Variants in EFS observed in about 807,000 individuals in gnomAD.
EFS encodes the protein embryonal Fyn-associated substrate, also known as Cas scaffolding protein family member 3.
In EFS, 34 loss-of-function variants were observed where a neutral mutation model predicts 42.2. The ratio of observed to expected loss-of-function variants is 0.81; its 90% CI spans 0.61 to 1.07. EFS has a LOEUF of 1.07. EFS is among the 50% of genes least tolerant of loss of function. The pLI is 0.00. For synonymous variants in EFS, 299 were observed against 320.7 expected (o/e 0.93, Z 0.72); for missense variants, 717 against 729.4 (o/e 0.98, Z 0.20).
At chr14:23,363,789 G>A (rs1336011335) in intron 1 of EFS, among the ~76,000 whole-genome samples, 1 of 152,066 alleles carries the variant, frequency 6.6e-6, no homozygotes, top group Non-Finnish European at 1.5e-5. Context: ...AATACAAAAA[G>A]CTGATGTGGT....
chr14:23,364,097 C>G (rs1890241739), intron 1 of EFS, among the ~76,000 whole-genome samples: 1 of 152,146 alleles, frequency 6.6e-6, no homozygotes, highest in African/African-American at 2.4e-5. Context: ...CCTCGCTTCC[C>G]TGGGAATCTT....
At position 23,359,963 on chromosome 14, in the gene EFS, G is replaced by A; in HGVS notation, c.515C>T (p.Pro172Leu). 1 of 1,576,844 alleles carries A rather than the reference G, an allele frequency of 6.3e-7. No individual in the cohort carries two copies. Among genetic ancestry groups the A allele is most frequent in the Non-Finnish European group, 8.6e-7 (1 of 1,162,558 alleles). The change falls in exon 4 of 6, where the codon CCT becomes CTT. Residue 172 changes from proline to leucine, a missense_variant. Physicochemically the swap from Pro to Leu is moderately conservative, Grantham distance 98 (BLOSUM62 -3). Coordinates refer to ENST00000216733, the MANE Select transcript of EFS (RefSeq NM_005864.4). ...PYDCPASFSH[P>L]LTRVAPQPPG... ...GGGCTGCGGGGCAACCCGGGTCAGA[G>A]GGTGGGAAAAGGAGGCAGGGCAGTC...
intron 3 of EFS, 49 bp from the exon 4 acceptor site, chr14:23,360,088 C>A (rs1890089240): frequency 1.2e-6 from 2 of 1,614,114 alleles, no homozygotes. Flanking sequence ...ATGAACCCTC[C>A]CTTGGGGCCA....
At position 23,360,793 on chromosome 14, in the gene EFS, G is replaced by C. The variant is rs201669687; in HGVS notation, c.59C>G (p.Ser20Cys). 1.9e-6 allele frequency: 3 copies of C among 1,613,628 alleles called. No individual in the cohort carries two copies. Among genetic ancestry groups the C allele is most frequent in the Non-Finnish European group, 1.7e-6 (2 of 1,179,854 alleles). The part of the protein sequence containing the change: ...ARALYDNTAE[S>C]PQELSFRRGD... ...TCGGCGGAAGGACAGCTCCTGGGGG[G>C]ACTCAGCGGTGTTGTCATACAGTGC... The change falls in exon 2 of 6, where the codon TCC becomes TGC. Residue 20 changes from serine (S) to cysteine (C), a missense_variant. By Grantham distance (112) the Ser-to-Cys change is moderately radical. Coordinates refer to ENST00000216733, the MANE Select transcript of EFS (RefSeq NM_005864.4).
intron 5 of EFS, among the ~76,000 whole-genome samples, chr14:23,358,125 C>T (rs752052398): frequency 5.9e-5 from 9 of 152,126 alleles, no homozygotes; most frequent in Non-Finnish European, 1.3e-4. Context: ...AAAATCCAGG[C>T]TGCATTTTAT....
chr14:23,357,164 A>T lies in EFS; in HGVS notation c.*62T>A. The T allele has an allele frequency of 1.4e-6, 2 of 1,438,530 alleles. No homozygotes were observed. The highest frequency in any genetic ancestry group is 4.8e-5 in the East Asian group (2 of 42,026). 89.1% of individuals were successfully genotyped at this position (1,438,530 alleles called of 1,614,324 possible). On this transcript the variant is annotated 3_prime_UTR_variant, in exon 6 of 6. Coordinates refer to ENST00000216733, the MANE Select transcript of EFS (RefSeq NM_005864.4). ...AGTCCCTTAACAAAGCCTTCCAGCC[A>T]CCCAAGGCCTAAAGGGGGGCTTTGG... is the stretch of plus-strand genomic sequence containing the variant.
chr14:23,359,031 T>C (rs1011942838), intron 4 of EFS, 66 bp from the exon 5 acceptor site: 7 of 1,415,744 alleles, frequency 4.9e-6, no homozygotes, highest in Non-Finnish European at 5.8e-6. Flanking sequence ...TCTGTGGCCT[T>C]TCTGCCCCTT....
chr14:23,357,143 C>A lies in EFS; in HGVS notation c.*83G>T. The A allele has an allele frequency of 7.4e-7, 1 of 1,347,792 alleles. No homozygotes were observed. The highest frequency in any genetic ancestry group is 1.0e-6 in the Non-Finnish European group (1 of 1,002,360). 83.5% of individuals were successfully genotyped at this position (1,347,792 alleles called of 1,614,324 possible). On this transcript the variant is annotated 3_prime_UTR_variant, in exon 6 of 6. Coordinates refer to ENST00000216733, the MANE Select transcript of EFS (RefSeq NM_005864.4). ...AAAGATACCCCCATTTCTCCTAGTC[C>A]CTTAACAAAGCCTTCCAGCCACCCA... is the stretch of plus-strand genomic sequence containing the variant.
At chr14:23,364,882 C>T in intron 1 of EFS, 126 bp downstream of exon 1, 1 of 865,632 alleles carries the variant, frequency 1.2e-6, no homozygotes. Context: ...AGGAGGGGGA[C>T]ACAGCCTCCT....
Position 23,360,653 on chromosome 14 carries a change from G to A in EFS, c.199C>T (p.Pro67Ser), listed in dbSNP as rs74413096. 1,516 of 1,613,058 alleles carry A rather than the reference G, an allele frequency of 9.4e-4. 12 individuals are homozygous for A. In the African/African-American group the frequency reaches 0.017, roughly 19 times the overall value. ...CTGGGCTTGGGTGCTGGGCCAGCAG[G>A]CAAGAGCTTCACCCTGTTGGCGGGC... is the stretch of plus-strand genomic sequence containing the variant. ...IVPANRVKLL[P>S]AGPAPKPSLS... The change falls in exon 2 of 6, where the codon CCT (proline) becomes TCT (serine). Residue 67 changes from proline (P) to serine (S), a missense_variant. Pro to Ser is a moderately conservative substitution (Grantham distance 74). Coordinates refer to ENST00000216733, the MANE Select transcript of EFS (RefSeq NM_005864.4).
Position 23,360,196 on chromosome 14 carries a change from T to C in EFS, c.383A>G (p.Tyr128Cys). 6.2e-7 allele frequency: 1 copy of C among 1,613,928 alleles called. No individual in the cohort carries two copies. Among genetic ancestry groups the C allele is most frequent in the Non-Finnish European group, 8.5e-7 (1 of 1,179,938 alleles). The change falls in exon 3 of 6, where the codon TAC becomes TGC. Residue 128 changes from tyrosine (Y) to cysteine (C), a missense_variant. Transcript: ENST00000216733. ...GPCPPSPDLI[Y>C]KIPRASGTQL... ...GGTCCCACTAGCTCTGGGGATTTTG[T>C]AGATGAGGTCAGGAGAGGGTGGGCA...
chr14:23,359,596 G>A lies in EFS; in HGVS notation c.882C>T (p.Pro294=). 6.7e-7 allele frequency: 1 copy of A among 1,496,580 alleles called. No homozygotes were observed. Among genetic ancestry groups the A allele is most frequent in the East Asian group, 2.4e-5 (1 of 41,776 alleles). 92.7% of individuals were successfully genotyped at this position (1,496,580 alleles called of 1,614,324 possible). A position where few individuals can be genotyped will look rare whatever the true frequency, so the allele number is the denominator to read the frequency against. ...LARSPPPPHR[P]RLPSAESLSR... is the part of the protein sequence containing the mutation. ...ACAGGCTCTCAGCTGAGGGGAGCCG[G>A]GGCCTGTGTGGGGGTGGGGGGCTTC... Residue 294 remains proline, a synonymous_variant, in exon 4 of 6, where the codon CCC becomes CCT. Coordinates refer to ENST00000216733, the MANE Select transcript of EFS (RefSeq NM_005864.4).
intron 1 of EFS, among the ~76,000 whole-genome samples, chr14:23,362,384 G>T (rs1257331236): frequency 6.6e-6 from 1 of 152,200 alleles, no homozygotes; most frequent in South Asian, 2.1e-4. Context: ...AGACCCTGGG[G>T]AGAAGGATGC....
chr14:23,364,649 T>A (rs1890260555), intron 1 of EFS, among the ~76,000 whole-genome samples: 1 of 152,070 alleles, frequency 6.6e-6, no homozygotes, highest in East Asian at 1.9e-4. Context: ...CCAAACCTTT[T>A]ACTTGCCTCC....
chr14:23,364,893 G>T, intron 1 of EFS, 115 bp downstream of exon 1: 7 of 970,166 alleles, frequency 7.2e-6, no homozygotes, highest in Non-Finnish European at 9.5e-6. Flanking sequence ...ACAGCCTCCT[G>T]GAGAAGAAAG....
At position 23,359,747 on chromosome 14, in the gene EFS, T is replaced by C. The variant is rs761197044; in HGVS notation, c.731A>G (p.Glu244Gly). 8 of 1,515,212 alleles carry C rather than the reference T, an allele frequency of 5.3e-6. No individual in the cohort carries two copies. The highest frequency in any genetic ancestry group is 7.1e-6 in the Non-Finnish European group (8 of 1,133,402). The allele number at this position is 1,515,212 out of a possible 1,614,324, so 93.9% of individuals were successfully genotyped here. ...GATCCCCTCATCAGTGCCCCCGCCC[T>C]CCCCGTCTGCCAGCAGTTCCTCGGG... is the stretch of plus-strand genomic sequence containing the variant. ...EAPEELLADG[E>G]GGGTDEGIYD... Residue 244 changes from glutamate (E) to glycine (G), a missense_variant, in exon 4 of 6, where the codon GAG becomes GGG. Transcript: ENST00000216733.
rs760082284 is a variant in EFS, at chr14:23,360,673, G to T, written c.179C>A (p.Ala60Asp). The T allele has an allele frequency of 6.2e-7, 1 of 1,613,892 alleles. No individual in the cohort carries two copies. The highest frequency in any genetic ancestry group is 8.5e-7 in the Non-Finnish European group (1 of 1,179,956). Residue 60 changes from alanine (A) to aspartate (D), a missense_variant, in exon 2 of 6, where the codon GCC becomes GAC. Ala to Asp is a moderately radical substitution (Grantham distance 126). Transcript: ENST00000216733. ...AGCAGGCAAGAGCTTCACCCTGTTGGCGGGCACAATGCCCTGCTGGCCGTG... is the reference window on the plus strand; with the variant it reads ...AGCAGGCAAGAGCTTCACCCTGTTGTCGGGCACAATGCCCTGCTGGCCGTG... ...SLHGQQGIVPANRVKLLPAGP... is the reference protein window; with the variant it reads ...SLHGQQGIVPDNRVKLLPAGP...
chr14:23,357,082 G>T lies in EFS; in HGVS notation c.*144C>A. Reference sequence around the variant, plus strand: ...GGTTAGGGGGAGAAGACACCTCTGTGAGAGGTTGAGATGAGCAGAAAGGGC... The same window carrying T: ...GGTTAGGGGGAGAAGACACCTCTGTTAGAGGTTGAGATGAGCAGAAAGGGC... On this transcript the variant is annotated 3_prime_UTR_variant, in exon 6 of 6. Transcript: ENST00000216733. 3.0e-6 allele frequency: 2 copies of T among 676,130 alleles called. No individual in the cohort carries two copies. Among genetic ancestry groups the T allele is most frequent in the Non-Finnish European group, 4.5e-6 (2 of 440,026 alleles). The allele number at this position is 676,130 out of a possible 1,614,324, so 41.9% of individuals were successfully genotyped here.
chr14:23,360,787 TG>T lies in EFS; in HGVS notation c.64del (p.Gln22ArgfsTer42). The T allele has an allele frequency of 6.2e-7, 1 of 1,613,698 alleles. No homozygotes were observed. On this transcript the variant is annotated frameshift_variant, in exon 2 of 6. Transcript: ENST00000216733. LOFTEE classifies it high-confidence loss of function. ...ALYDNTAESP[Q>X]ELSFRRGDVL... ...ATCCCCTCGGCGGAAGGACAGCTCC[TG>T]GGGGGACTCAGCGGTGTTGTCATAC... is the stretch of plus-strand genomic sequence containing the variant.
Sources: allele counts gnomAD v4.1 joint callset (sites outside exome capture counted in the v4.1 genomes callset), GRCh38; gene constraint gnomAD v4.1.1; transcripts MANE v1.5; gene names NCBI Gene and HGNC (gene_info 2026-07-23, HGNC 2026-07-21).